UFD1: variants seen among roughly 807,000 people sequenced by gnomAD.
The protein encoded by UFD1 is ubiquitin recognition factor in ER associated degradation 1, also known as ubiquitin recognition factor in ER-associated degradation protein 1.
In UFD1, 13 loss-of-function variants were observed where a neutral mutation model predicts 45.9. That is an observed-to-expected ratio of 0.28 (90% confidence interval 0.18 to 0.45). The LOEUF (loss-of-function observed/expected upper bound fraction) is 0.45. Among genes scored for constraint, UFD1 ranks in the 20% least tolerant of loss-of-function variants. The probability of loss-of-function intolerance (pLI) is 1.00; values close to 1 mark genes in which losing one functional copy is unlikely to be tolerated. For missense variants in UFD1, 218 were observed against 389.2 expected, an observed-to-expected ratio of 0.56 and a Z score of 3.70; for synonymous variants, 128 against 139.2, an observed-to-expected ratio of 0.92 and a Z score of 0.56.
At chr22:19,457,597 G>A (rs1345867608) in intron 7 of UFD1, among the ~76,000 whole-genome samples, 1 of 152,156 alleles carries the variant, frequency 6.6e-6, no homozygotes, top group Non-Finnish European at 1.5e-5. Context: ...TGGATTACCT[G>A]AGGTCAGGAG....
chr22:19,450,622 G>A lies in UFD1; in HGVS notation c.*48C>T, dbSNP rs1310916034. The A allele has an allele frequency of 1.9e-6, 3 of 1,611,686 alleles. No homozygotes were observed. Among genetic ancestry groups the A allele is most frequent in the Non-Finnish European group, 2.5e-6 (3 of 1,178,450 alleles). On this transcript the variant is annotated 3_prime_UTR_variant, in exon 12 of 12. Transcript: ENST00000263202. Reference sequence around the variant, plus strand: ...AGTGCCAGTAACTAAAAGCCAAGATGTTGCAAATGATTCTTTTATTATTTT... The same window carrying A: ...AGTGCCAGTAACTAAAAGCCAAGATATTGCAAATGATTCTTTTATTATTTT...
chr22:19,468,866 A>C (rs1201473820), intron 4 of UFD1, among the ~76,000 whole-genome samples: 2 of 152,150 alleles, frequency 1.3e-5, no homozygotes, highest in Non-Finnish European at 2.9e-5. Context: ...AGAATGTTTC[A>C]TCGGGAGTGG....
At position 19,450,515 on chromosome 22, in the gene UFD1, C is replaced by G. The variant is rs1217323662; in HGVS notation, c.*155G>C. 2.7e-5 allele frequency: 27 copies of G among 987,910 alleles called. No homozygotes were observed. Among genetic ancestry groups the G allele is most frequent in the Non-Finnish European group, 5.9e-6 (4 of 677,358 alleles). 61.2% of individuals were successfully genotyped at this position (987,910 alleles called of 1,614,324 possible). A position where few individuals can be genotyped will look rare whatever the true frequency, so the allele number is the denominator to read the frequency against. On this transcript the variant is annotated 3_prime_UTR_variant, in exon 12 of 12. Coordinates refer to ENST00000263202, the MANE Select transcript of UFD1 (RefSeq NM_005659.7). ...ACTACAAAGTCCTGCTGCTCCACTT[C>G]CAAGTCAAACTTAATAATTCTTAGG...
intron 6 of UFD1, among the ~76,000 whole-genome samples, chr22:19,459,961 A>T (rs2089754006): frequency 6.8e-6 from 1 of 147,142 alleles, no homozygotes; most frequent in Admixed American, 6.7e-5. Context: ...CTGGTCTTGA[A>T]CTCCTGACGT....
intron 6 of UFD1, among the ~76,000 whole-genome samples, chr22:19,463,430 C>G (rs1017401334): frequency 8.5e-5 from 13 of 152,122 alleles, no homozygotes; most frequent in Admixed American, 8.5e-4. Flanking sequence ...CATTTTATAT[C>G]TAATTATTTT....
chr22:19,453,617 G>T, intron 11 of UFD1: 1 of 985,604 alleles, frequency 1.0e-6, no homozygotes, highest in Non-Finnish European at 1.2e-6. Flanking sequence ...GAGCTGGAGG[G>T]TGAGGTCTGA....
rs1458013532 is a variant in UFD1, at chr22:19,456,615, C to A, written c.650G>T (p.Ser217Ile). The A allele has an allele frequency of 6.2e-7, 1 of 1,614,188 alleles. No individual in the cohort carries two copies. Among genetic ancestry groups the A allele is most frequent in the East Asian group, 2.2e-5 (1 of 44,882 alleles). Residue 217 changes from serine to isoleucine, a missense_variant, in exon 9 of 12, where the codon AGT becomes ATT. Physicochemically the swap from Ser to Ile is moderately radical, Grantham distance 142. Transcript: ENST00000263202. ...EESTEGEADH[S>I]GYAGELGFRA... is the part of the protein sequence containing the mutation. ...GAAGCCCAGCTCTCCAGCATAGCCA[C>A]TGTGGTCGGCTTCACCTTCCTGACA...
chr22:19,467,611 C>T, intron 5 of UFD1: 2 of 419,618 alleles, frequency 4.8e-6, no homozygotes, highest in South Asian at 5.2e-5. Flanking sequence ...TGCCAGGTGA[C>T]ACAGACCAAC....
At chr22:19,477,993 A>ACAAGGCC (rs766057636) in intron 1 of UFD1, among the ~76,000 whole-genome samples, 55 of 152,344 alleles carry the variant, frequency 3.6e-4, no homozygotes, top group Admixed American at 3.3e-4. Flanking sequence ...TTCTGGGTGA[A>ACAAGGCC]CAAGGCCAGA....
intron 11 of UFD1, 76 bp from the exon 12 acceptor site, chr22:19,450,820 C>T (rs569854222): frequency 6.8e-5 from 109 of 1,607,446 alleles, no homozygotes; most frequent in African/African-American, 2.8e-4. Context: ...TATGGACTCA[C>T]GTACCATCCA....
intron 6 of UFD1, 59 bp downstream of exon 6, chr22:19,465,143 A>G (rs1407203675): frequency 6.7e-7 from 1 of 1,494,756 alleles, no homozygotes; most frequent in South Asian, 1.1e-5. Context: ...CCATTCAAAC[A>G]TTAGAATGGA....
intron 6 of UFD1, 21 bp from the exon 7 acceptor site, chr22:19,458,160 T>C (rs759979998): frequency 7.3e-5 from 117 of 1,613,596 alleles, no homozygotes; most frequent in Non-Finnish European, 7.6e-6. Context: ...AACACAGAAA[T>C]CAGTTGGATG....
At chr22:19,476,296 C>G (rs374241034) in intron 1 of UFD1, among the ~76,000 whole-genome samples, 2 of 152,280 alleles carry the variant, frequency 1.3e-5, no homozygotes, top group South Asian at 2.1e-4. Context: ...CCAGTGGTTG[C>G]ACCCCTTCCC....
chr22:19,457,995 A>C (rs2089736140), intron 7 of UFD1, 76 bp downstream of exon 7: 1 of 1,516,188 alleles, frequency 6.6e-7, no homozygotes, highest in Non-Finnish European at 9.2e-7. Flanking sequence ...CCCTCCTGAC[A>C]CCCTGGCCTG....
Position 19,475,541 on chromosome 22 carries a change from T to C in UFD1, c.65A>G (p.Gln22Arg). 6.2e-7 allele frequency: 1 copy of C among 1,614,196 alleles called. No individual in the cohort carries two copies. Among genetic ancestry groups the C allele is most frequent in the Non-Finnish European group, 8.5e-7 (1 of 1,180,030 alleles). ...PRVFQNRFST[Q>R]YRCFSVSMLA... Reference sequence around the variant, plus strand: ...CATGGACACAGAGAAGCAGCGGTACTGTGTGGAGAAGCGGTTTTGGAAGAC... The same window carrying C: ...CATGGACACAGAGAAGCAGCGGTACCGTGTGGAGAAGCGGTTTTGGAAGAC... The change falls in exon 2 of 12, where the codon CAG (glutamine) becomes CGG (arginine). Residue 22 changes from glutamine (Q) to arginine (R), a missense_variant. Transcript: ENST00000263202.
At chr22:19,462,345 A>G (rs2089773723) in intron 6 of UFD1, among the ~76,000 whole-genome samples, 1 of 152,120 alleles carries the variant, frequency 6.6e-6, no homozygotes, top group South Asian at 2.1e-4. Flanking sequence ...AACAGAGAAC[A>G]CTTTAATTCT....
intron 6 of UFD1, among the ~76,000 whole-genome samples, chr22:19,464,707 G>A (rs539721046): frequency 1.3e-5 from 2 of 152,364 alleles, no homozygotes; most frequent in East Asian, 3.9e-4. Context: ...GAGGATGTGG[G>A]CTCCCAGGAG....
At chr22:19,457,047 C>A in intron 7 of UFD1, 129 bp from the exon 8 acceptor site, 1 of 700,898 alleles carries the variant, frequency 1.4e-6, no homozygotes, top group Non-Finnish European at 2.5e-6. Flanking sequence ...ATGCCTTGTA[C>A]ACTTGCCCAG....
At chr22:19,472,707 A>T (rs1568902549) in intron 3 of UFD1, among the ~76,000 whole-genome samples, 1 of 152,154 alleles carries the variant, frequency 6.6e-6, no homozygotes, top group African/African-American at 2.4e-5. Flanking sequence ...TCTTCCCAGA[A>T]CAGTCAGGTA....
Sources: allele counts gnomAD v4.1 joint callset (sites outside exome capture counted in the v4.1 genomes callset), GRCh38; gene constraint gnomAD v4.1.1; transcripts MANE v1.5; gene names NCBI Gene and HGNC (gene_info 2026-07-23, HGNC 2026-07-21).